The following CHODL variants were observed in gnomAD, a reference collection of about 807,000 sequenced individuals.
CHODL encodes chondrolectin.
In CHODL, 29 loss-of-function variants were observed where a neutral mutation model predicts 34.5. That is an observed-to-expected ratio of 0.84 (90% confidence interval 0.63 to 1.15). CHODL has a LOEUF of 1.15. Among genes scored for constraint, CHODL ranks in the 50% most tolerant of loss-of-function variants. The probability of loss-of-function intolerance (pLI) is 0.00; values close to 1 mark genes in which losing one functional copy is unlikely to be tolerated. For missense variants in CHODL, 332 were observed against 332.5 expected, an observed-to-expected ratio of 1.00 and a Z score of 0.01; for synonymous variants, 125 against 116.1, an observed-to-expected ratio of 1.08 and a Z score of -0.49.
intron 1 of CHODL, among the ~76,000 whole-genome samples, chr21:17,957,145 CTCTA>C (rs1044863484): frequency 2.6e-5 from 4 of 152,142 alleles, no homozygotes; most frequent in African/African-American, 4.8e-5. Context: ...TATTCACTAA[CTCTA>C]TCTAATCAAT....
At chr21:17,967,304 CTTG>C (rs1221824881) in intron 1 of CHODL, among the ~76,000 whole-genome samples, 3 of 152,130 alleles carry the variant, frequency 2.0e-5, no homozygotes, top group Admixed American at 2.0e-4. Flanking sequence ...GTATGCTACA[CTTG>C]TTGATGACAC....
intron 2 of CHODL, among the ~76,000 whole-genome samples, chr21:18,138,722 G>T (rs1265464133): frequency 1.3e-5 from 2 of 152,140 alleles, no homozygotes; most frequent in Non-Finnish European, 2.9e-5. Flanking sequence ...ATTAGTACTG[G>T]TTGCATACTT....
intron 1 of CHODL, among the ~76,000 whole-genome samples, chr21:18,247,660 T>C (rs1293533594): frequency 2.0e-5 from 3 of 152,130 alleles, no homozygotes; most frequent in African/African-American, 7.2e-5. Context: ...GTCATGATTA[T>C]TTTGATGTAC....
chr21:18,095,481 C>T (rs1002881415), intron 2 of CHODL, among the ~76,000 whole-genome samples: 2 of 152,080 alleles, frequency 1.3e-5, no homozygotes, highest in South Asian at 4.1e-4. Context: ...CCTGAACATA[C>T]CAATAACAAG....
At chr21:18,050,509 C>T (rs530583762) in intron 2 of CHODL, among the ~76,000 whole-genome samples, 19 of 151,896 alleles carry the variant, frequency 1.3e-4, no homozygotes, top group African/African-American at 4.3e-4. Flanking sequence ...GCAGATTGGA[C>T]GAAGGTGGTA....
intron 1 of CHODL, among the ~76,000 whole-genome samples, chr21:17,983,611 T>C (rs2063730936): frequency 6.6e-6 from 1 of 152,208 alleles, no homozygotes; most frequent in African/African-American, 2.4e-5. Flanking sequence ...GCTTAATTTG[T>C]ATTTCCTTTA....
intron 2 of CHODL, among the ~76,000 whole-genome samples, chr21:18,030,345 T>C (rs1357775127): frequency 6.6e-6 from 1 of 152,154 alleles, no homozygotes; most frequent in Non-Finnish European, 1.5e-5. Flanking sequence ...TGAGGTTTGT[T>C]AACTCATGTG....
At chr21:18,205,652 ATT>A (rs1458130901) in intron 2 of CHODL, among the ~76,000 whole-genome samples, 5 of 151,060 alleles carry the variant, frequency 3.3e-5, no homozygotes, top group Admixed American at 6.6e-5. Flanking sequence ...TTTTTGGTCC[ATT>A]GTTTCCTTCA....
intron 1 of CHODL, among the ~76,000 whole-genome samples, chr21:17,949,214 AG>A (rs2055583639): frequency 6.6e-6 from 1 of 152,148 alleles, no homozygotes; most frequent in African/African-American, 2.4e-5. Flanking sequence ...CCCAGCTCTC[AG>A]TTGTAATCTA....
chr21:17,959,229 C>T (rs1270199134), intron 1 of CHODL, among the ~76,000 whole-genome samples: 2 of 152,010 alleles, frequency 1.3e-5, no homozygotes, highest in African/African-American at 2.4e-5. Context: ...TGACTGTGTT[C>T]TTAGAAGTGA....
chr21:18,043,763 G>T (rs2064405871), intron 2 of CHODL, among the ~76,000 whole-genome samples: 1 of 151,962 alleles, frequency 6.6e-6, no homozygotes, highest in Admixed American at 6.6e-5. Context: ...ACCAGAGACT[G>T]TAATTTATAA....
intron 1 of CHODL, among the ~76,000 whole-genome samples, chr21:18,020,147 C>G (rs953136047): frequency 6.6e-6 from 1 of 151,998 alleles, no homozygotes. Context: ...TGGTTTTGCC[C>G]AAATTTTCTA....
chr21:18,155,942 A>C (rs1261953181), intron 2 of CHODL, among the ~76,000 whole-genome samples: 4 of 152,220 alleles, frequency 2.6e-5, no homozygotes, highest in Non-Finnish European at 4.4e-5. Flanking sequence ...TCCTGGAACC[A>C]AGCAATTTAA....
At chr21:17,935,892 A>G (rs544683502) in intron 1 of CHODL, among the ~76,000 whole-genome samples, 1 of 152,320 alleles carries the variant, frequency 6.6e-6, no homozygotes, top group South Asian at 2.1e-4. Flanking sequence ...TGCATACACT[A>G]TTTGAAAGCA....
At chr21:18,112,566 C>T (rs1359588567) in intron 2 of CHODL, among the ~76,000 whole-genome samples, 1 of 152,128 alleles carries the variant, frequency 6.6e-6, no homozygotes, top group Non-Finnish European at 1.5e-5. Context: ...TAAAAACAGA[C>T]ACATAGACCA....
In CHODL at chr21:18,256,506, C is replaced by A; in HGVS notation, c.80-3C>A. 3 of 1,479,896 alleles carry A rather than the reference C, an allele frequency of 2.0e-6. No homozygotes were observed. The highest frequency in any genetic ancestry group is 1.5e-5 in the African/African-American group (1 of 65,688). The allele number at this position is 1,479,896 out of a possible 1,614,324, so 91.7% of individuals were successfully genotyped here. On this transcript the variant is annotated splice_region_variant and splice_polypyrimidine_tract_variant and intron_variant, in intron 1 of 5. Coordinates refer to ENST00000299295, the MANE Select transcript of CHODL (RefSeq NM_024944.3). ...TATATGGGCATCTTTTTTTTTTTTT[C>A]AGGCCAAAAGGTGTGTTTTGCTGAC... is the stretch of plus-strand genomic sequence containing the variant.
intron 2 of CHODL, among the ~76,000 whole-genome samples, chr21:18,150,210 C>A (rs973123334): frequency 6.6e-6 from 1 of 152,106 alleles, no homozygotes; most frequent in Non-Finnish European, 1.5e-5. Context: ...ATTGTGGAGA[C>A]CAAAGTTCTT....
chr21:18,262,910 T>G lies in CHODL; in HGVS notation c.737+17T>G. On this transcript the variant is annotated intron_variant, in intron 5 of 5. Transcript: ENST00000299295. ...GCATAAAAGGTAAATAACTCATATA[T>G]GTAGAGACAATTTGAAAAACTTTAA... 7.2e-7 allele frequency: 1 copy of G among 1,386,970 alleles called. No individual in the cohort carries two copies. The highest frequency in any genetic ancestry group is 1.0e-6 in the Non-Finnish European group (1 of 981,594). The allele number at this position is 1,386,970 out of a possible 1,614,324, so 85.9% of individuals were successfully genotyped here.
chr21:18,183,557 G>A (rs1214623505), intron 2 of CHODL, among the ~76,000 whole-genome samples: 1 of 151,860 alleles, frequency 6.6e-6, no homozygotes, highest in Non-Finnish European at 1.5e-5. Flanking sequence ...TTTTTCCCTG[G>A]GATACCTTGA....
Sources: gnomAD v4.1 joint callset for allele counts (sites outside exome capture counted in the v4.1 genomes callset) on GRCh38, gnomAD v4.1.1 for gene constraint, MANE v1.5 for transcripts, NCBI Gene and HGNC (gene_info 2026-07-23, HGNC 2026-07-21) for gene names.